HECW1: variants seen among roughly 807,000 people sequenced by gnomAD.
HECW1 encodes the protein E3 ubiquitin-protein ligase HECW1.
In HECW1, 61 loss-of-function variants were observed where a neutral mutation model predicts 182.3. The ratio of observed to expected loss-of-function variants is 0.33; its 90% CI spans 0.27 to 0.41. The LOEUF is 0.41. Among genes scored for constraint, HECW1 ranks in the 10% least tolerant of loss-of-function variants. HECW1 has a pLI of 1.00. For synonymous variants in HECW1, 859 were observed against 832.6 expected (o/e 1.03, Z -0.55); for missense variants, 1,739 against 2,108.9 (o/e 0.82, Z 3.44).
At chr7:43,214,988 G>A (rs866192381) in intron 2 of HECW1, among the ~76,000 whole-genome samples, 1 of 152,240 alleles carries the variant, frequency 6.6e-6, no homozygotes, top group Non-Finnish European at 1.5e-5. Context: ...TGGGACAGAA[G>A]AGGCAGGTGC....
At chr7:43,377,490 A>C (rs556045881) in intron 6 of HECW1, among the ~76,000 whole-genome samples, 2 of 152,116 alleles carry the variant, frequency 1.3e-5, no homozygotes, top group South Asian at 4.2e-4. Context: ...TCAACCATCT[A>C]AACTAGGTGA....
intron 24 of HECW1, chr7:43,511,371 T>A (rs2079863042): frequency 6.6e-6 from 1 of 152,258 alleles, no homozygotes; most frequent in Non-Finnish European, 1.5e-5. Context: ...TGCTGCTGAC[T>A]TGTGATGAAA....
intron 24 of HECW1, among the ~76,000 whole-genome samples, chr7:43,535,212 G>A (rs1269601252): frequency 6.6e-6 from 1 of 152,184 alleles, no homozygotes; most frequent in African/African-American, 2.4e-5. Flanking sequence ...GAAGGGGAGG[G>A]TTGAGTCTTT....
intron 23 of HECW1, 69 bp from the exon 24 acceptor site, chr7:43,508,900 C>G: frequency 2.0e-6 from 3 of 1,537,320 alleles, no homozygotes; most frequent in Non-Finnish European, 2.7e-6. Context: ...ACACTAGAAT[C>G]TGGGTGCAAA....
At chr7:43,239,520 A>G (rs534058513) in intron 2 of HECW1, among the ~76,000 whole-genome samples, 2 of 152,290 alleles carry the variant, frequency 1.3e-5, no homozygotes, top group Admixed American at 6.5e-5. Context: ...CGGGCCGTAA[A>G]TTTCCTTGAG....
chr7:43,528,317 C>T (rs939474002), intron 24 of HECW1, among the ~76,000 whole-genome samples: 5 of 152,060 alleles, frequency 3.3e-5, no homozygotes, highest in Admixed American at 6.6e-5. Context: ...CATCTAGATA[C>T]GGGAGGAAAT....
chr7:43,352,720 A>C (rs1229102552), intron 5 of HECW1, among the ~76,000 whole-genome samples: 1 of 152,200 alleles, frequency 6.6e-6, no homozygotes, highest in Non-Finnish European at 1.5e-5. Flanking sequence ...CATTTTTTTA[A>C]GAAGGCTAAT....
chr7:43,123,409 C>T (rs1404788842), intron 2 of HECW1, among the ~76,000 whole-genome samples: 4 of 152,184 alleles, frequency 2.6e-5, no homozygotes, highest in Non-Finnish European at 5.9e-5. Flanking sequence ...ACTAGGTCTG[C>T]TTGCCGAGAG....
chr7:43,335,114 A>G (rs12670903), intron 5 of HECW1, among the ~76,000 whole-genome samples: 43,692 of 152,030 alleles, frequency 0.29, 8,410 homozygotes, highest in African/African-American at 0.56. Context: ...GATTATGTCA[A>G]TTCTTTTTAA....
intron 16 of HECW1, among the ~76,000 whole-genome samples, chr7:43,476,933 A>G (rs549908869): frequency 6.6e-6 from 1 of 152,314 alleles, no homozygotes; most frequent in South Asian, 2.1e-4. Context: ...AAAATAAAGC[A>G]AACAAATATC....
chr7:43,203,274 G>A (rs1795177113), intron 2 of HECW1, among the ~76,000 whole-genome samples: 2 of 152,138 alleles, frequency 1.3e-5, no homozygotes, highest in African/African-American at 4.8e-5. Flanking sequence ...GGAAGTTGAT[G>A]TTCCCTAACT....
At chr7:43,300,654 G>C (rs1487830694) in intron 3 of HECW1, among the ~76,000 whole-genome samples, 1 of 152,136 alleles carries the variant, frequency 6.6e-6, no homozygotes, top group Non-Finnish European at 1.5e-5. Flanking sequence ...ATTTATATCA[G>C]ATATGGCCGT....
intron 26 of HECW1, among the ~76,000 whole-genome samples, chr7:43,545,337 G>A (rs2152955683): frequency 6.6e-6 from 1 of 152,198 alleles, no homozygotes; most frequent in Non-Finnish European, 1.5e-5. Context: ...TAAAATTAGA[G>A]GAAAAAATAA....
chr7:43,313,102 T>C (rs1808743741), intron 4 of HECW1, among the ~76,000 whole-genome samples: 1 of 152,220 alleles, frequency 6.6e-6, no homozygotes, highest in Admixed American at 6.5e-5. Context: ...CTCAGGGAAA[T>C]ATTCTTGGGT....
intron 2 of HECW1, among the ~76,000 whole-genome samples, chr7:43,238,732 C>G (rs1798605214): frequency 6.6e-6 from 1 of 152,182 alleles, no homozygotes; most frequent in South Asian, 2.1e-4. Flanking sequence ...AGCCCACTGG[C>G]TATACCACTA....
intron 3 of HECW1, among the ~76,000 whole-genome samples, chr7:43,244,718 G>T (rs565736232): frequency 6.6e-6 from 1 of 152,184 alleles, no homozygotes; most frequent in Non-Finnish European, 1.5e-5. Context: ...TGTCTGAGCT[G>T]GAGTCCATCC....
chr7:43,351,880 G>C (rs1334156320), intron 5 of HECW1, among the ~76,000 whole-genome samples: 3 of 152,106 alleles, frequency 2.0e-5, no homozygotes, highest in East Asian at 1.9e-4. Flanking sequence ...CAAGGCTTGA[G>C]ATGATTCAGA....
At chr7:43,298,904 T>C (rs891063675) in intron 3 of HECW1, among the ~76,000 whole-genome samples, 1 of 152,234 alleles carries the variant, frequency 6.6e-6, no homozygotes, top group Non-Finnish European at 1.5e-5. Flanking sequence ...CTCTGCTGTT[T>C]TCCGCATACA....
intron 2 of HECW1, among the ~76,000 whole-genome samples, chr7:43,189,625 A>T (rs1264044315): frequency 6.6e-6 from 1 of 152,206 alleles, no homozygotes; most frequent in Non-Finnish European, 1.5e-5. Flanking sequence ...ACTTGACCTT[A>T]TTATGAAAAA....
Sources: allele counts gnomAD v4.1 joint callset (sites outside exome capture counted in the v4.1 genomes callset), GRCh38; gene constraint gnomAD v4.1.1; transcripts MANE v1.5; gene names NCBI Gene and HGNC (gene_info 2026-07-23, HGNC 2026-07-21).